CDK9: variants seen among roughly 807,000 people sequenced by gnomAD.
CDK9 encodes cyclin-dependent kinase 9.
A neutral mutation model predicts 39.0 loss-of-function variants in CDK9; 34 were observed. That is an observed-to-expected ratio of 0.87 (90% CI 0.66 to 1.16). The LOEUF is 1.16. Ranked by LOEUF, CDK9 falls within the 50% of genes most tolerant of loss-of-function variation. The pLI is 0.00. For missense variants in CDK9, 369 were observed against 503.2 expected, an observed-to-expected ratio of 0.73 and a Z score of 2.55; for synonymous variants, 233 against 196.2, an observed-to-expected ratio of 1.19 and a Z score of -1.57.
chr9:127,787,696 C>T (rs964294559), intron 3 of CDK9, 88 bp downstream of exon 3: 3 of 1,031,742 alleles, frequency 2.9e-6, no homozygotes, highest in African/African-American at 1.6e-5. Flanking sequence ...TAAACTGCCT[C>T]TTCTTAACTC....
chr9:127,786,651 C>T, intron 1 of CDK9, 50 bp from the exon 2 acceptor site: 1 of 1,499,206 alleles, frequency 6.7e-7, no homozygotes, highest in Non-Finnish European at 9.2e-7. Flanking sequence ...GAGGGGCGGG[C>T]CCTGCGGAAA....
Position 127,789,027 on chromosome 9 carries a change from A to G in CDK9, c.754-151A>G. 2.0e-6 allele frequency: 2 copies of G among 1,012,064 alleles called. No homozygotes were observed. The highest frequency in any genetic ancestry group is 2.8e-6 in the Non-Finnish European group (2 of 703,756). The allele number at this position is 1,012,064 out of a possible 1,614,324, so 62.7% of individuals were successfully genotyped here. On this transcript the variant is annotated intron_variant, in intron 6 of 6. Transcript: ENST00000373264. The surrounding 1 kb of genome is among the most constrained non-coding windows in gnomAD (Gnocchi z 5.2). ...CCTGGCACGTGGTATGTGCCAATCC[A>G]TAGCGGGCACTGCTTCTGGGAGGGG... is the stretch of plus-strand genomic sequence containing the variant.
chr9:127,788,764 G>A, intron 6 of CDK9, 72 bp downstream of exon 6: 1 of 1,428,674 alleles, frequency 7.0e-7, no homozygotes, highest in Non-Finnish European at 9.4e-7. Context: ...GGAGTAGAAT[G>A]GAAGGAGCGC....
chr9:127,786,553 C>T (rs373517826), intron 1 of CDK9, 148 bp from the exon 2 acceptor site: 24 of 676,280 alleles, frequency 3.5e-5, no homozygotes, highest in East Asian at 2.7e-4. Context: ...GACAGGCTGC[C>T]GGGTGGCGGG....
At position 127,786,162 on chromosome 9, in the gene CDK9, A is replaced by C; in HGVS notation, c.14A>C (p.Tyr5Ser). Residue 5 changes from tyrosine to serine, a missense_variant, in exon 1 of 7, where the codon TAC (tyrosine) becomes TCC (serine). Tyr to Ser is a moderately radical substitution (Grantham distance 144). Coordinates refer to ENST00000373264, the MANE Select transcript of CDK9 (RefSeq NM_001261.4). Reference protein sequence around the residue: MAKQYDSVECPFCDE... With the variant: MAKQSDSVECPFCDE... ...TTGGAGGCGGCCATGGCAAAGCAGTACGACTCGGTGGAGTGCCCTTTTTGT... is the reference window on the plus strand; with the variant it reads ...TTGGAGGCGGCCATGGCAAAGCAGTCCGACTCGGTGGAGTGCCCTTTTTGT... 6.2e-7 allele frequency: 1 copy of C among 1,606,480 alleles called. No homozygotes were observed. The highest frequency in any genetic ancestry group is 8.5e-7 in the Non-Finnish European group (1 of 1,177,170).
At chr9:127,787,414 C>T in intron 2 of CDK9, 104 bp from the exon 3 acceptor site, 1 of 692,118 alleles carries the variant, frequency 1.4e-6, no homozygotes. Flanking sequence ...GGTTTCAGAG[C>T]CCATGATCTT....
In CDK9 at chr9:127,788,329, A is replaced by G. The variant is rs1829367989; in HGVS notation, c.548A>G (p.Asn183Ser). 4.3e-6 allele frequency: 7 copies of G among 1,612,932 alleles called. No individual in the cohort carries two copies. Among genetic ancestry groups the G allele is most frequent in the Non-Finnish European group, 3.4e-6 (4 of 1,179,976 alleles). ...AGCCTGGCCAAGAACAGCCAGCCCA[A>G]CCGCTACACCAACCGTGTGGTGACA... The part of the protein sequence containing the change: ...AFSLAKNSQP[N>S]RYTNRVVTLW... The change falls in exon 5 of 7, where the codon AAC (asparagine) becomes AGC (serine). Residue 183 changes from asparagine to serine, a missense_variant. Asn to Ser is a conservative substitution (Grantham distance 46). Coordinates refer to ENST00000373264, the MANE Select transcript of CDK9 (RefSeq NM_001261.4).
intron 3 of CDK9, 62 bp downstream of exon 3, chr9:127,787,670 T>A (rs777827494): frequency 7.8e-7 from 1 of 1,274,862 alleles, no homozygotes; most frequent in Non-Finnish European, 1.1e-6. Context: ...TTTGTAAACT[T>A]GGAACTAGGC....
In CDK9 at chr9:127,788,321, C is replaced by T. The variant is rs1295608414; in HGVS notation, c.540C>T (p.Ser180=). The change falls in exon 5 of 7, where the codon AGC becomes AGT. Residue 180 remains serine, a synonymous_variant. Coordinates refer to ENST00000373264, the MANE Select transcript of CDK9 (RefSeq NM_001261.4). Reference sequence around the variant, plus strand: ...GGGCCTTCAGCCTGGCCAAGAACAGCCAGCCCAACCGCTACACCAACCGTG... The same window carrying T: ...GGGCCTTCAGCCTGGCCAAGAACAGTCAGCCCAACCGCTACACCAACCGTG... The part of the protein sequence containing the change: ...LARAFSLAKN[S]QPNRYTNRVV... 4 of 1,612,848 alleles carry T rather than the reference C, an allele frequency of 2.5e-6. No homozygotes were observed. Among genetic ancestry groups the T allele is most frequent in the Non-Finnish European group, 3.4e-6 (4 of 1,179,968 alleles).
rs1260140500 is a variant in CDK9 at position 127,786,078 on chromosome 9, C to T, written c.-71C>T. 8 of 1,182,816 alleles carry T rather than the reference C, an allele frequency of 6.8e-6. No individual in the cohort carries two copies. Among genetic ancestry groups the T allele is most frequent in the East Asian group, 6.0e-5 (2 of 33,336 alleles). 73.3% of individuals were successfully genotyped at this position (1,182,816 alleles called of 1,614,324 possible). A position where few individuals can be genotyped will look rare whatever the true frequency, so the allele number is the denominator to read the frequency against. On this transcript the variant is annotated 5_prime_UTR_variant, in exon 1 of 7. Coordinates refer to ENST00000373264, the MANE Select transcript of CDK9 (RefSeq NM_001261.4). Reference sequence around the variant, plus strand: ...GGCCGCGGAGGGGCCTGGAGTGCGGCGGCGGCGGGACCCGGAGCAGGAGCG... The same window carrying T: ...GGCCGCGGAGGGGCCTGGAGTGCGGTGGCGGCGGGACCCGGAGCAGGAGCG...
In CDK9 at chr9:127,789,689, G is replaced by T; in HGVS notation, c.*146G>T. 9.7e-7 allele frequency: 1 copy of T among 1,032,228 alleles called. No individual in the cohort carries two copies. 63.9% of individuals were successfully genotyped at this position (1,032,228 alleles called of 1,614,324 possible). On this transcript the variant is annotated 3_prime_UTR_variant, in exon 7 of 7. Coordinates refer to ENST00000373264, the MANE Select transcript of CDK9 (RefSeq NM_001261.4). The surrounding 1 kb of genome is among the most constrained non-coding windows in gnomAD (Gnocchi z 5.2). ...GGCTCTGGGAGCAGCCCGCTGAGTG[G>T]ACTGGAGTGGAGCATTGGCTGAGAG... is the stretch of plus-strand genomic sequence containing the variant.
At chr9:127,787,417 A>G (rs764572793) in intron 2 of CDK9, 101 bp from the exon 3 acceptor site, 5 of 712,466 alleles carry the variant, frequency 7.0e-6, no homozygotes, top group Non-Finnish European at 1.2e-5. Flanking sequence ...TTCAGAGCCC[A>G]TGATCTTGCT....
At chr9:127,787,685 C>CT (rs1829355625) in intron 3 of CDK9, 77 bp downstream of exon 3, 1 of 1,099,872 alleles carries the variant, frequency 9.1e-7, no homozygotes, top group Admixed American at 1.7e-5. Flanking sequence ...CTAGGCACAC[C>CT]TAAACTGCCT....
chr9:127,787,680 C>A, intron 3 of CDK9, 72 bp downstream of exon 3: 1 of 1,139,280 alleles, frequency 8.8e-7, no homozygotes, highest in Non-Finnish European at 1.3e-6. Flanking sequence ...TGGAACTAGG[C>A]ACACCTAAAC....
chr9:127,789,740 G>T lies in CDK9; in HGVS notation c.*197G>T. The T allele has an allele frequency of 1.4e-6, 1 of 696,996 alleles. No individual in the cohort carries two copies. Among genetic ancestry groups the T allele is most frequent in the South Asian group, 2.0e-5 (1 of 50,976 alleles). 43.2% of individuals were successfully genotyped at this position (696,996 alleles called of 1,614,324 possible). ...ACCAGGAGGGCACTGGAGCTGTCTT[G>T]TCCTTGCTGGTTTTCTGGATGGTTC... On this transcript the variant is annotated 3_prime_UTR_variant, in exon 7 of 7. Coordinates refer to ENST00000373264, the MANE Select transcript of CDK9 (RefSeq NM_001261.4). The surrounding 1 kb of genome is among the most constrained non-coding windows in gnomAD (Gnocchi z 5.2).
At position 127,787,604 on chromosome 9, in the gene CDK9, C is replaced by G. The variant is rs771759708; in HGVS notation, c.261C>G (p.Thr87=). The change falls in exon 3 of 7, where the codon ACC becomes ACG. Residue 87 remains threonine, a synonymous_variant. Coordinates refer to ENST00000373264, the MANE Select transcript of CDK9 (RefSeq NM_001261.4). The part of the protein sequence containing the change: ...NVVNLIEICR[T]KASPYNRCKG... ...TCAACTTGATTGAGATTTGTCGAAC[C>G]AAAGGTAAGTTATTTGGTTCTTACG... is the stretch of plus-strand genomic sequence containing the variant. 6.8e-6 allele frequency: 11 copies of G among 1,607,144 alleles called. No homozygotes were observed. The South Asian group carries it at 8.8e-5, about 13-fold the overall frequency.
At chr9:127,786,458 G>A (rs570610324) in intron 1 of CDK9, among the ~76,000 whole-genome samples, 169 of 152,342 alleles carry the variant, frequency 1.1e-3, no homozygotes, top group African/African-American at 3.4e-3. Context: ...CTGCAGAGAG[G>A]CGCCCGTGAG....
chr9:127,789,151 A>G lies in CDK9; in HGVS notation c.754-27A>G, dbSNP rs1360401600. 3 of 1,538,330 alleles carry G rather than the reference A, an allele frequency of 2.0e-6. No homozygotes were observed. In the South Asian group the frequency reaches 3.8e-5, roughly 19 times the overall value. ...CACGCACCTCCTGACCGGACTCCATATTCTCTCAACGCCCCCTCCCTCCCA... is the reference window on the plus strand; with the variant it reads ...CACGCACCTCCTGACCGGACTCCATGTTCTCTCAACGCCCCCTCCCTCCCA... On this transcript the variant is annotated intron_variant, in intron 6 of 6. Coordinates refer to ENST00000373264, the MANE Select transcript of CDK9 (RefSeq NM_001261.4). The surrounding 1 kb of genome is among the most constrained non-coding windows in gnomAD (Gnocchi z 5.2).
In CDK9 at chr9:127,788,296, G is replaced by C; in HGVS notation, c.515G>C (p.Arg172Pro). 1 of 1,613,302 alleles carries C rather than the reference G, an allele frequency of 6.2e-7. No homozygotes were observed. The highest frequency in any genetic ancestry group is 8.5e-7 in the Non-Finnish European group (1 of 1,179,954). ...AAGCTGGCAGACTTTGGGCTGGCCC[G>C]GGCCTTCAGCCTGGCCAAGAACAGC... The part of the protein sequence containing the change: ...VLKLADFGLA[R>P]AFSLAKNSQP... Residue 172 changes from arginine (R) to proline (P), a missense_variant, in exon 5 of 7, where the codon CGG (arginine) becomes CCG (proline). Physicochemically the swap from Arg to Pro is moderately radical, Grantham distance 103. Transcript: ENST00000373264.
Sources: gnomAD v4.1 joint callset for allele counts (sites outside exome capture counted in the v4.1 genomes callset) on GRCh38, gnomAD v4.1.1 for gene constraint, Gnocchi (gnomAD v3.1) non-coding constraint, MANE v1.5 for transcripts, NCBI Gene and HGNC (gene_info 2026-07-23, HGNC 2026-07-21) for gene names.